The following THSD7B variants were observed in gnomAD, a reference collection of about 807,000 sequenced individuals.
THSD7B encodes the protein thrombospondin type 1 domain containing 7B.
In THSD7B, 138 loss-of-function variants were observed where a neutral mutation model predicts 213.6. The ratio of observed to expected loss-of-function variants is 0.65; its 90% CI spans 0.56 to 0.74. The LOEUF is 0.74. Among genes scored for constraint, THSD7B ranks in the 30% least tolerant of loss-of-function variants. THSD7B has a pLI of 0.00. For synonymous variants in THSD7B, 742 were observed against 687.0 expected (o/e 1.08, Z -1.25); for missense variants, 1,931 against 1,991.5 (o/e 0.97, Z 0.58).
intron 2 of THSD7B, among the ~76,000 whole-genome samples, chr2:137,028,715 G>A (rs546926905): frequency 1.3e-5 from 2 of 152,312 alleles, no homozygotes; most frequent in East Asian, 1.9e-4. Context: ...TGCTGTGGAC[G>A]CTCAAGGTGG....
intron 1 of THSD7B, among the ~76,000 whole-genome samples, chr2:136,796,266 A>G (rs1016679034): frequency 6.6e-6 from 1 of 152,030 alleles, no homozygotes. Flanking sequence ...GGCATAGAGG[A>G]TGGCAGGCTG....
chr2:137,540,024 C>T (rs1015367776), intron 15 of THSD7B, among the ~76,000 whole-genome samples: 2 of 151,622 alleles, frequency 1.3e-5, no homozygotes, highest in African/African-American at 4.8e-5. Flanking sequence ...AAACTAAAAT[C>T]TTGATATACA....
chr2:137,005,115 C>T (rs1686079119), intron 2 of THSD7B, among the ~76,000 whole-genome samples: 2 of 152,160 alleles, frequency 1.3e-5, no homozygotes, highest in Admixed American at 1.3e-4. Context: ...AGAGTCTATT[C>T]TGCCAGTCCT....
chr2:137,584,204 G>T (rs1185922327), intron 17 of THSD7B, among the ~76,000 whole-genome samples: 1 of 152,168 alleles, frequency 6.6e-6, no homozygotes, highest in East Asian at 1.9e-4. Flanking sequence ...CTGAGACTTT[G>T]CTGAAGTTGC....
At chr2:137,264,566 G>A (rs985067398) in intron 10 of THSD7B, among the ~76,000 whole-genome samples, 1 of 152,154 alleles carries the variant, frequency 6.6e-6, no homozygotes, top group Middle Eastern at 3.4e-3. Flanking sequence ...CCTTCTTAAT[G>A]ACAATTTGGA....
chr2:137,313,448 G>T (rs1278761898), intron 12 of THSD7B, among the ~76,000 whole-genome samples: 1 of 151,344 alleles, frequency 6.6e-6, no homozygotes, highest in African/African-American at 2.4e-5. Context: ...TGATGGTCTT[G>T]ACTCTTTATC....
chr2:137,284,185 G>A lies in THSD7B; in HGVS notation c.2500+8159G>A, dbSNP rs186999691. Among the ~76,000 whole-genome samples the A allele has an allele frequency of 8.7e-3, 1,326 of 152,206 alleles. 20 individuals carry two copies. The highest frequency in any genetic ancestry group is 0.029 in the African/African-American group (1,189 of 41,566). ...CTTCTAGATTTTCTAGTTTATTTGC[G>A]TAGAGGTGTTTGTAGTATTCTCTGA... On this transcript the variant is annotated intron_variant, in intron 12 of 27. Transcript: ENST00000409968.
chr2:137,047,962 G>T (rs376813521), intron 2 of THSD7B, among the ~76,000 whole-genome samples: 1 of 152,084 alleles, frequency 6.6e-6, no homozygotes. Context: ...AGAACGTGCA[G>T]GTTTGTTACA....
intron 3 of THSD7B, among the ~76,000 whole-genome samples, chr2:137,073,983 C>A: frequency 6.6e-6 from 1 of 152,086 alleles, no homozygotes; most frequent in Non-Finnish European, 1.5e-5. Flanking sequence ...TTTACATTTG[C>A]TGAGGAGTGC....
chr2:137,433,968 A>G (rs1228938729), intron 14 of THSD7B, among the ~76,000 whole-genome samples: 1 of 152,178 alleles, frequency 6.6e-6, no homozygotes, highest in Admixed American at 6.5e-5. Context: ...CCAGCTTGTT[A>G]AGGGCTCTAA....
chr2:137,086,878 C>T (rs563682195), intron 3 of THSD7B, among the ~76,000 whole-genome samples: 1 of 152,212 alleles, frequency 6.6e-6, no homozygotes, highest in Non-Finnish European at 1.5e-5. Flanking sequence ...TATTTATGAC[C>T]TAACTCTAGG....
Position 136,895,594 on chromosome 2 carries a change from A to G in THSD7B, c.139+13277A>G, listed in dbSNP as rs537065311. Reference sequence around the variant, plus strand: ...TAATTGTTAGCCTGAAAGATTGGCTATTTATTTTAAGCAACTTTATTGAAG... The same window carrying G: ...TAATTGTTAGCCTGAAAGATTGGCTGTTTATTTTAAGCAACTTTATTGAAG... On this transcript the variant is annotated intron_variant, in intron 2 of 27. Coordinates refer to ENST00000409968, the MANE Select transcript of THSD7B (RefSeq NM_001316349.2). 3.2e-5 allele frequency among the ~76,000 whole-genome samples: 4 copies of G among 126,190 alleles called. No homozygotes were observed. The South Asian group carries it at 1.0e-3, about 32-fold the overall frequency. The allele number at this position is 126,190 out of a possible 152,430, so 82.8% of individuals were successfully genotyped here.
At chr2:137,602,305 C>T (rs995059426) in intron 17 of THSD7B, among the ~76,000 whole-genome samples, 6 of 151,718 alleles carry the variant, frequency 4.0e-5, no homozygotes, top group African/African-American at 7.3e-5. Context: ...GAGTCTTGCT[C>T]CTTCGCCAGG....
At chr2:136,850,341 AT>A (rs1683079506) in intron 1 of THSD7B, among the ~76,000 whole-genome samples, 1 of 152,060 alleles carries the variant, frequency 6.6e-6, no homozygotes, top group Non-Finnish European at 1.5e-5. Flanking sequence ...AACAGTGAAC[AT>A]TTTTGTATAT....
intron 2 of THSD7B, among the ~76,000 whole-genome samples, chr2:136,912,250 A>G (rs1015958315): frequency 7.5e-6 from 1 of 133,252 alleles, no homozygotes; most frequent in Admixed American, 9.0e-5. Flanking sequence ...TGAACCTGGG[A>G]GGTGGAGGTT....
intron 3 of THSD7B, among the ~76,000 whole-genome samples, chr2:137,075,446 T>A (rs531691061): frequency 3.0e-4 from 45 of 152,336 alleles, no homozygotes; most frequent in Non-Finnish European, 2.8e-4. Context: ...TCAGGTCCTT[T>A]AAGGACTTCT....
At chr2:136,934,780 T>C (rs1290868149) in intron 2 of THSD7B, among the ~76,000 whole-genome samples, 1 of 152,172 alleles carries the variant, frequency 6.6e-6, no homozygotes, top group African/African-American at 2.4e-5. Context: ...ACTTAAGTCA[T>C]TTTAGAATTT....
At chr2:137,543,457 C>T (rs1011654764) in intron 15 of THSD7B, among the ~76,000 whole-genome samples, 1 of 151,800 alleles carries the variant, frequency 6.6e-6, no homozygotes, top group Non-Finnish European at 1.5e-5. Context: ...ACCACTCCCT[C>T]ATATCATATG....
At chr2:137,497,605 GTGTGTGTGTGTGTTA>G (rs1046534919) in intron 15 of THSD7B, among the ~76,000 whole-genome samples, 5 of 128,110 alleles carry the variant, frequency 3.9e-5, no homozygotes, top group African/African-American at 6.2e-5. Context: ...ATATATGTAT[GTGTGTGTGTGTGTTA>G]TGTGTGTGTG....
Sources: gnomAD v4.1 joint callset for allele counts (sites outside exome capture counted in the v4.1 genomes callset) on GRCh38, gnomAD v4.1.1 for gene constraint, MANE v1.5 for transcripts, NCBI Gene and HGNC (gene_info 2026-07-23, HGNC 2026-07-21) for gene names.